FAM168A: variants seen among roughly 807,000 people sequenced by gnomAD.
FAM168A encodes protein FAM168A.
In FAM168A, 3 loss-of-function variants were observed where a neutral mutation model predicts 28.5. The ratio of observed to expected loss-of-function variants is 0.11; its 90% CI spans 0.05 to 0.27. FAM168A has a LOEUF of 0.27. Ranked by LOEUF, FAM168A falls within the 10% of genes least tolerant of loss-of-function variation. The pLI is 1.00. For synonymous variants in FAM168A, 122 were observed against 124.2 expected (o/e 0.98, Z 0.12); for missense variants, 222 against 311.5 (o/e 0.71, Z 2.16).
At chr11:73,430,332 C>T (rs566016315) in intron 3 of FAM168A, 74 of 294,874 alleles carry the variant, frequency 2.5e-4, no homozygotes, top group African/African-American at 1.7e-3. Flanking sequence ...GTGTGTGTGT[C>T]CCAAGGTGTG....
intron 2 of FAM168A, among the ~76,000 whole-genome samples, chr11:73,454,063 A>G (rs577926494): frequency 5.8e-4 from 89 of 152,306 alleles, no homozygotes; most frequent in African/African-American, 2.1e-3. Context: ...GAAGCTCCAG[A>G]GAAAGAAGCC....
intron 2 of FAM168A, among the ~76,000 whole-genome samples, chr11:73,452,584 A>C (rs993061866): frequency 2.0e-5 from 3 of 152,130 alleles, no homozygotes; most frequent in Admixed American, 2.0e-4. Flanking sequence ...GAAGAGAAGG[A>C]GGCCTGTTCT....
intron 1 of FAM168A, among the ~76,000 whole-genome samples, chr11:73,535,450 G>A (rs1382913483): frequency 8.1e-6 from 1 of 122,712 alleles, no homozygotes; most frequent in East Asian, 2.4e-4. Context: ...ACAGAGTCTT[G>A]TTCTGTCGCC....
intron 1 of FAM168A, among the ~76,000 whole-genome samples, chr11:73,484,237 G>T (rs1289295754): frequency 6.6e-6 from 1 of 151,978 alleles, no homozygotes; most frequent in Non-Finnish European, 1.5e-5. Flanking sequence ...AATTTTCACA[G>T]TAACTTTATT....
intron 3 of FAM168A, among the ~76,000 whole-genome samples, chr11:73,425,367 G>C (rs993382044): frequency 6.6e-6 from 1 of 152,192 alleles, no homozygotes; most frequent in African/African-American, 2.4e-5. Flanking sequence ...AGTTCTCCCA[G>C]GAACTGCAGA....
chr11:73,494,348 C>T (rs746451249), intron 1 of FAM168A, among the ~76,000 whole-genome samples: 1 of 152,174 alleles, frequency 6.6e-6, no homozygotes, highest in Non-Finnish European at 1.5e-5. Context: ...TGAGGCTGCT[C>T]TTCTACTCAA....
intron 1 of FAM168A, among the ~76,000 whole-genome samples, chr11:73,497,897 A>G (rs888481596): frequency 1.3e-5 from 2 of 152,252 alleles, no homozygotes; most frequent in Non-Finnish European, 2.9e-5. Context: ...AACTTAAAGC[A>G]TAATAAAAAT....
At chr11:73,572,759 GC>G (rs1451724215) in intron 1 of FAM168A, among the ~76,000 whole-genome samples, 35 of 151,424 alleles carry the variant, frequency 2.3e-4, no homozygotes, top group African/African-American at 8.5e-4. Flanking sequence ...AGGGTCCTCT[GC>G]CTAGGAAAAC....
chr11:73,454,870 G>A (rs534848264), intron 2 of FAM168A, among the ~76,000 whole-genome samples: 6 of 152,130 alleles, frequency 3.9e-5, no homozygotes, highest in Admixed American at 2.0e-4. Flanking sequence ...CACTTTCATC[G>A]GCAATAAAAT....
At chr11:73,481,073 CAGTCTGG>C (rs140164860) in intron 1 of FAM168A, among the ~76,000 whole-genome samples, 4,503 of 152,240 alleles carry the variant, frequency 0.03, 215 homozygotes, top group African/African-American at 0.1. Context: ...CTCTATCCCT[CAGTCTGG>C]ATAATTCTTC....
intron 1 of FAM168A, among the ~76,000 whole-genome samples, chr11:73,484,903 G>C (rs1433547405): frequency 1.3e-5 from 2 of 151,906 alleles, no homozygotes; most frequent in South Asian, 2.1e-4. Context: ...CAGCAAGGGA[G>C]AAAGATGTAG....
intron 1 of FAM168A, among the ~76,000 whole-genome samples, chr11:73,491,510 A>T (rs1868127440): frequency 6.6e-6 from 1 of 152,228 alleles, no homozygotes. Flanking sequence ...TGAGGTATTT[A>T]TTCTGTTTTT....
rs545381295 is a variant in FAM168A at position 73,502,102 on chromosome 11, A to G, written c.-18-33610T>C. ...GGCGACAGATCAAAGCTTTGTCTCG[A>G]AAAAAAAAAAAAAAAAGGCTAGCAG... is the stretch of plus-strand genomic sequence containing the variant. On this transcript the variant is annotated intron_variant, in intron 1 of 7. Transcript: ENST00000356467. Among the ~76,000 whole-genome samples the G allele has an allele frequency of 2.9e-3, 384 of 133,406 alleles. 1 individual carries two copies. Among genetic ancestry groups the G allele is most frequent in the Non-Finnish European group, 4.7e-3 (280 of 59,400 alleles). 87.5% of individuals were successfully genotyped at this position (133,406 alleles called of 152,430 possible).
intron 2 of FAM168A, among the ~76,000 whole-genome samples, chr11:73,467,417 C>A (rs912917880): frequency 6.6e-6 from 1 of 151,882 alleles, no homozygotes; most frequent in Non-Finnish European, 1.5e-5. Context: ...GGATTTGAAC[C>A]TGGTTGTTGT....
intron 1 of FAM168A, among the ~76,000 whole-genome samples, chr11:73,471,272 T>C (rs1867809693): frequency 6.6e-6 from 1 of 152,176 alleles, no homozygotes; most frequent in South Asian, 2.1e-4. Flanking sequence ...CCACATACCA[T>C]GATGGGATCA....
At chr11:73,580,431 A>G (rs1310812450) in intron 1 of FAM168A, 9 of 620,504 alleles carry the variant, frequency 1.5e-5, no homozygotes, top group African/African-American at 3.7e-5. Flanking sequence ...GGAAAAGCTG[A>G]GGCTGGCCAG....
chr11:73,492,216 G>A (rs1420090084), intron 1 of FAM168A, among the ~76,000 whole-genome samples: 1 of 152,168 alleles, frequency 6.6e-6, no homozygotes, highest in Non-Finnish European at 1.5e-5. Flanking sequence ...GAAGATGGCT[G>A]AGGCAAGAAC....
chr11:73,565,210 T>C (rs1036802371), intron 1 of FAM168A, among the ~76,000 whole-genome samples: 1 of 152,208 alleles, frequency 6.6e-6, no homozygotes, highest in African/African-American at 2.4e-5. Flanking sequence ...ATAACAGTCA[T>C]GATCTAAGCA....
intron 2 of FAM168A, among the ~76,000 whole-genome samples, chr11:73,441,381 T>A (rs1867192259): frequency 6.6e-6 from 1 of 152,196 alleles, no homozygotes; most frequent in Admixed American, 6.5e-5. Flanking sequence ...AATTTTAAAG[T>A]GTAACAATAT....
Sources: gnomAD v4.1 joint callset for allele counts (sites outside exome capture counted in the v4.1 genomes callset) on GRCh38, gnomAD v4.1.1 for gene constraint, MANE v1.5 for transcripts, NCBI Gene and HGNC (gene_info 2026-07-23, HGNC 2026-07-21) for gene names.